Variants in CLRN1 observed in about 807,000 individuals in gnomAD.
CLRN1 encodes the protein clarin-1.
In CLRN1, 15 loss-of-function variants were observed where a neutral mutation model predicts 18.7. That is an observed-to-expected ratio of 0.80 (90% CI 0.54 to 1.23). The LOEUF (loss-of-function observed/expected upper bound fraction) is 1.23. Ranked by LOEUF, CLRN1 falls within the 50% of genes most tolerant of loss-of-function variation. The pLI, the probability that CLRN1 is intolerant of heterozygous loss-of-function variation, is 0.00. For missense variants in CLRN1, 311 were observed against 277.5 expected, an observed-to-expected ratio of 1.12 and a Z score of -0.86; for synonymous variants, 104 against 102.9, an observed-to-expected ratio of 1.01 and a Z score of -0.07.
intron 1 of CLRN1, among the ~76,000 whole-genome samples, chr3:150,964,856 C>T (rs1426915893): frequency 6.6e-6 from 1 of 151,034 alleles, no homozygotes; most frequent in Non-Finnish European, 1.5e-5. Context: ...ACAATGAGAA[C>T]ACATGGACAC....
chr3:150,934,778 TTC>T (rs1208664497), intron 2 of CLRN1, among the ~76,000 whole-genome samples: 1 of 152,094 alleles, frequency 6.6e-6, no homozygotes, highest in Non-Finnish European at 1.5e-5. Context: ...TCTTTTTTGG[TTC>T]TCTCTCTTCC....
rs769697982 is a variant in CLRN1, at chr3:150,927,909, T to C, written c.*27A>G. 1 of 1,613,666 alleles carries C rather than the reference T, an allele frequency of 6.2e-7. No homozygotes were observed. The highest frequency in any genetic ancestry group is 1.7e-5 in the Admixed American group (1 of 59,998). ...AAGTGACCAAAGCAAGTCTACTCCC[T>C]TGTAAAATTATAGAAAGGTTTGCCT... On this transcript the variant is annotated 3_prime_UTR_variant, in exon 3 of 3. Coordinates refer to ENST00000327047, the MANE Select transcript of CLRN1 (RefSeq NM_174878.3).
At chr3:150,969,388 G>A (rs1432123604) in intron 1 of CLRN1, among the ~76,000 whole-genome samples, 2 of 129,390 alleles carry the variant, frequency 1.5e-5, no homozygotes, top group African/African-American at 2.9e-5. Context: ...GTGCAGTGGC[G>A]AGATCTCGGC....
intron 2 of CLRN1, among the ~76,000 whole-genome samples, chr3:150,931,877 G>A (rs1170424536): frequency 1.3e-5 from 2 of 152,144 alleles, no homozygotes; most frequent in African/African-American, 2.4e-5. Flanking sequence ...CCCAAGAAAG[G>A]TTAGAATAAG....
At chr3:150,950,850 C>T (rs1042254657) in intron 1 of CLRN1, among the ~76,000 whole-genome samples, 3 of 152,150 alleles carry the variant, frequency 2.0e-5, no homozygotes, top group East Asian at 1.9e-4. Flanking sequence ...CACGAATGTT[C>T]GTTGCAGCAC....
At chr3:150,953,209 C>A (rs1288724048) in intron 1 of CLRN1, among the ~76,000 whole-genome samples, 1 of 152,210 alleles carries the variant, frequency 6.6e-6, no homozygotes, top group East Asian at 1.9e-4. Flanking sequence ...ATTGATCCAG[C>A]AAGTCACTTC....
intron 1 of CLRN1, among the ~76,000 whole-genome samples, chr3:150,972,003 G>T (rs1000607270): frequency 2.6e-5 from 4 of 152,152 alleles, no homozygotes; most frequent in African/African-American, 9.7e-5. Flanking sequence ...GGTCTTAGCA[G>T]GAATAATGGG....
intron 1 of CLRN1, among the ~76,000 whole-genome samples, chr3:150,969,453 A>G (rs1288894849): frequency 1.3e-5 from 2 of 148,408 alleles, no homozygotes; most frequent in East Asian, 4.1e-4. Flanking sequence ...CAGCCTCCCA[A>G]GTAGCTGGGA....
At chr3:150,972,760 G>A (rs566100192), upstream of CLRN1, 10 of 1,613,298 alleles carry the variant, frequency 6.2e-6, no homozygotes, top group African/African-American at 1.1e-4. Context: ...ACCTTTGTGA[G>A]CAATGGGAAG....
intron 1 of CLRN1, among the ~76,000 whole-genome samples, chr3:150,969,309 A>ATTTT (rs1559994541): frequency 4.9e-5 from 3 of 61,594 alleles, no homozygotes; most frequent in African/African-American, 7.4e-5. Context: ...ATATATATAT[A>ATTTT]TATATTTTTT....
chr3:150,970,380 G>A (rs975751605), intron 1 of CLRN1, among the ~76,000 whole-genome samples: 2 of 152,106 alleles, frequency 1.3e-5, no homozygotes, highest in African/African-American at 4.8e-5. Context: ...AAGGCATGTT[G>A]ATTAGAAAGT....
At chr3:150,940,646 A>G (rs976817333) in intron 2 of CLRN1, 10 of 882,662 alleles carry the variant, frequency 1.1e-5, no homozygotes, top group African/African-American at 8.4e-5. Context: ...GGAATCTGAC[A>G]AAGTGTTGGA....
chr3:150,941,879 G>T lies in CLRN1; in HGVS notation c.254-118C>A, dbSNP rs116560307. ...CAAACATCACTAAAATCCTTCTGAT[G>T]AATACATTCTCACTTACTAACTTAT... On this transcript the variant is annotated intron_variant, in intron 1 of 2. Coordinates refer to ENST00000327047, the MANE Select transcript of CLRN1 (RefSeq NM_174878.3). 111 of 917,636 alleles carry T rather than the reference G, an allele frequency of 1.2e-4. No homozygotes were observed. The African/African-American group carries it at 1.7e-3, about 14-fold the overall frequency. 56.8% of individuals were successfully genotyped at this position (917,636 alleles called of 1,614,324 possible).
intron 1 of CLRN1, among the ~76,000 whole-genome samples, chr3:150,971,896 T>A (rs1715555375): frequency 6.6e-6 from 1 of 152,224 alleles, no homozygotes; most frequent in South Asian, 2.1e-4. Context: ...AGGCATCCAT[T>A]TCTTTCCCAG....
intron 1 of CLRN1, among the ~76,000 whole-genome samples, chr3:150,945,144 T>C (rs1267245248): frequency 6.6e-6 from 1 of 152,166 alleles, no homozygotes; most frequent in Non-Finnish European, 1.5e-5. Flanking sequence ...CAATGACCTC[T>C]CCCTAGTCCT....
intron 1 of CLRN1, among the ~76,000 whole-genome samples, chr3:150,964,359 C>T (rs1467717419): frequency 6.6e-6 from 1 of 152,128 alleles, no homozygotes; most frequent in Admixed American, 6.6e-5. Context: ...ACTGAGATAC[C>T]ATCTCACTCC....
intron 1 of CLRN1, among the ~76,000 whole-genome samples, chr3:150,947,749 C>T (rs1824063): frequency 0.86 from 131,237 of 152,180 alleles, 57,353 homozygotes; most frequent in East Asian, 1. Flanking sequence ...CTAAGAAAAT[C>T]GCTCAAAACC....
intron 1 of CLRN1, among the ~76,000 whole-genome samples, chr3:150,960,951 C>G (rs115590277): frequency 0.02 from 2,986 of 152,326 alleles, 105 homozygotes; most frequent in African/African-American, 0.067. Flanking sequence ...GCTCCTGTAA[C>G]TGGTGGGCAG....
chr3:150,928,208 C>A lies in CLRN1; in HGVS notation c.434-7G>T, dbSNP rs1712938766. The stretch of plus-strand genomic sequence containing the variant: ...ACAAGACAGCCACAGGAGCCTGCAA[C>A]AGAAGAAACAAGGTGTTGGGACAAA... On this transcript the variant is annotated splice_polypyrimidine_tract_variant and splice_region_variant and intron_variant, in intron 2 of 2. Transcript: ENST00000327047. The A allele has an allele frequency of 6.2e-7, 1 of 1,613,722 alleles. No individual in the cohort carries two copies. Among genetic ancestry groups the A allele is most frequent in the South Asian group, 1.1e-5 (1 of 91,038 alleles).
Sources: gnomAD v4.1 joint callset for allele counts (sites outside exome capture counted in the v4.1 genomes callset) on GRCh38, gnomAD v4.1.1 for gene constraint, MANE v1.5 for transcripts, NCBI Gene and HGNC (gene_info 2026-07-23, HGNC 2026-07-21) for gene names.